The following RDX variants were observed in gnomAD, a reference collection of about 807,000 sequenced individuals.
RDX encodes radixin.
In RDX, 32 loss-of-function variants were observed where a neutral mutation model predicts 83.7. That is an observed-to-expected ratio of 0.38 (90% CI 0.29 to 0.51). The LOEUF (loss-of-function observed/expected upper bound fraction) is 0.51, where lower values mean the gene tolerates loss of function less well. RDX is among the 20% of genes least tolerant of loss of function. The pLI is 0.87. For synonymous variants in RDX, 229 were observed against 222.7 expected (o/e 1.03, Z -0.25); for missense variants, 600 against 689.9 (o/e 0.87, Z 1.46).
chr11:110,253,032 T>C (rs888655268), intron 9 of RDX, among the ~76,000 whole-genome samples: 1 of 152,194 alleles, frequency 6.6e-6, no homozygotes, highest in Non-Finnish European at 1.5e-5. Context: ...CTAAGGAAGA[T>C]AATTTGAGTT....
intron 1 of RDX, among the ~76,000 whole-genome samples, chr11:110,295,585 GGGA>G (rs1861416445): frequency 1.4e-5 from 2 of 147,234 alleles, no homozygotes; most frequent in African/African-American, 5.0e-5. Flanking sequence ...ACCAAATATT[GGGA>G]ATGTCTGAAG....
In RDX at chr11:110,205,411, T is replaced by C. The variant is rs569753599; in HGVS notation, c.1749-5733A>G. 8.2e-4 allele frequency among the ~76,000 whole-genome samples: 115 copies of C among 139,514 alleles called. 1 individual carries two copies. The highest frequency in any genetic ancestry group is 2.7e-3 in the African/African-American group (97 of 35,998). The allele number at this position is 139,514 out of a possible 152,430, so 91.5% of individuals were successfully genotyped here. A position where few individuals can be genotyped will look rare whatever the true frequency, so the allele number is the denominator to read the frequency against. ...AATTTATAAATTAAGCTACAAGAAA[T>C]TGTAAAACGTTTACCTATCCAAAAA... On this transcript the variant is annotated intron_variant, in intron 14 of 15. Transcript: ENST00000528498.
intron 10 of RDX, among the ~76,000 whole-genome samples, chr11:110,239,836 GT>G (rs200686658): frequency 1.5e-5 from 2 of 135,190 alleles, no homozygotes. Context: ...GGAAGACTCT[GT>G]TTTTAAAAAA....
chr11:110,273,954 A>C (rs1389882500), intron 2 of RDX, among the ~76,000 whole-genome samples: 2 of 152,194 alleles, frequency 1.3e-5, no homozygotes, highest in African/African-American at 4.8e-5. Flanking sequence ...AGGTTTACTG[A>C]GGACACAGCT....
At chr11:110,180,581 C>G (rs1862866573) in intron 15 of RDX, among the ~76,000 whole-genome samples, 1 of 152,198 alleles carries the variant, frequency 6.6e-6, no homozygotes, top group African/African-American at 2.4e-5. Flanking sequence ...TAGTTCTGCT[C>G]TGTAGGGCTC....
At chr11:110,234,235 T>C (rs1864751254) in intron 12 of RDX, among the ~76,000 whole-genome samples, 2 of 152,240 alleles carry the variant, frequency 1.3e-5, no homozygotes, top group East Asian at 1.9e-4. Flanking sequence ...AAGGATAAGG[T>C]CAATGACACA....
intron 13 of RDX, 28 bp from the exon 14 acceptor site, chr11:110,232,061 T>C: frequency 6.4e-7 from 1 of 1,567,678 alleles, no homozygotes; most frequent in South Asian, 1.1e-5. Flanking sequence ...AGTACAACTA[T>C]TATTTTTTTC....
intron 4 of RDX, 104 bp from the exon 5 acceptor site, chr11:110,264,338 TC>T: frequency 1.3e-6 from 1 of 781,330 alleles, no homozygotes; most frequent in Non-Finnish European, 2.0e-6. Context: ...TGAAATAGAT[TC>T]TAAATCTATG....
intron 15 of RDX, among the ~76,000 whole-genome samples, chr11:110,195,380 T>A (rs1565284996): frequency 6.6e-6 from 1 of 152,180 alleles, no homozygotes. Context: ...TCTTATGAAT[T>A]AATAATGCTG....
At chr11:110,245,392 C>T (rs940256683) in intron 10 of RDX, among the ~76,000 whole-genome samples, 6 of 152,054 alleles carry the variant, frequency 3.9e-5, no homozygotes, top group African/African-American at 1.4e-4. Context: ...TTGATCACAC[C>T]CACTGCACTC....
intron 10 of RDX, among the ~76,000 whole-genome samples, chr11:110,246,369 G>A (rs1859105320): frequency 6.6e-6 from 1 of 152,184 alleles, no homozygotes; most frequent in Non-Finnish European, 1.5e-5. Context: ...GCAGGCTGGT[G>A]TAAGAAATCA....
intron 7 of RDX, 95 bp downstream of exon 7, chr11:110,257,672 C>T (rs1859598654): frequency 7.7e-7 from 1 of 1,295,048 alleles, no homozygotes; most frequent in Non-Finnish European, 1.1e-6. Flanking sequence ...TAAGGGTAAT[C>T]AAGACAAGAA....
intron 14 of RDX, among the ~76,000 whole-genome samples, chr11:110,215,373 T>A (rs768254870): frequency 0.044 from 2,212 of 49,804 alleles, 29 homozygotes; most frequent in Middle Eastern, 0.092. Flanking sequence ...AAAAAATAAA[T>A]AAATAAATAA....
chr11:110,239,803 G>A (rs973171987), intron 10 of RDX, among the ~76,000 whole-genome samples: 5 of 151,560 alleles, frequency 3.3e-5, no homozygotes, highest in East Asian at 1.9e-4. Context: ...AACCCGGGAG[G>A]TGGAGGTTGC....
intron 10 of RDX, among the ~76,000 whole-genome samples, chr11:110,238,489 G>C (rs573675552): frequency 6.6e-6 from 1 of 152,268 alleles, no homozygotes; most frequent in East Asian, 1.9e-4. Flanking sequence ...GTCCTACAAA[G>C]AATTATTTTC....
downstream of RDX, among the ~76,000 whole-genome samples, chr11:110,224,697 A>G (rs1864374908): frequency 1.3e-5 from 2 of 152,234 alleles, no homozygotes; most frequent in South Asian, 4.1e-4. Context: ...CGGCTGGAAA[A>G]TAAGTTCAGA....
chr11:110,194,127 C>A (rs908762647), intron 15 of RDX, among the ~76,000 whole-genome samples: 2 of 152,224 alleles, frequency 1.3e-5, no homozygotes, highest in East Asian at 3.8e-4. Flanking sequence ...AGATGTGGCA[C>A]AACTCTTCAG....
intron 3 of RDX, among the ~76,000 whole-genome samples, chr11:110,270,013 G>C (rs1018865126): frequency 1.3e-5 from 2 of 152,104 alleles, no homozygotes; most frequent in African/African-American, 4.8e-5. Flanking sequence ...CTGCATTCCA[G>C]CCTGGGGCGA....
chr11:110,226,034 C>T (rs1001013851), downstream of RDX, among the ~76,000 whole-genome samples: 5 of 148,972 alleles, frequency 3.4e-5, no homozygotes, highest in Admixed American at 2.7e-4. Flanking sequence ...TCACTGCACT[C>T]CAGCCTGGGC....
Sources: allele counts gnomAD v4.1 joint callset (sites outside exome capture counted in the v4.1 genomes callset), GRCh38; gene constraint gnomAD v4.1.1; transcripts MANE v1.5; gene names NCBI Gene and HGNC (gene_info 2026-07-23, HGNC 2026-07-21).